The following ADAMTS17 variants were observed in gnomAD, a reference collection of about 807,000 sequenced individuals.
ADAMTS17 encodes A disintegrin and metalloproteinase with thrombospondin motifs 17.
A neutral mutation model predicts 141.5 loss-of-function variants in ADAMTS17; 113 were observed. The observed-to-expected ratio is 0.80, with a 90% CI of 0.69 to 0.93. The LOEUF (loss-of-function observed/expected upper bound fraction) is 0.93. Ranked by LOEUF, ADAMTS17 falls within the 40% of genes least tolerant of loss-of-function variation. ADAMTS17 has a pLI of 0.00. For missense variants in ADAMTS17, 1,659 were observed against 1,517.9 expected (o/e 1.09, Z -1.54); for synonymous variants, 768 against 630.6 (o/e 1.22, Z -3.27).
At chr15:100,294,495 G>C (rs1197389983) in intron 3 of ADAMTS17, among the ~76,000 whole-genome samples, 2 of 152,074 alleles carry the variant, frequency 1.3e-5, no homozygotes, top group African/African-American at 4.8e-5. Context: ...AGAGCTATGT[G>C]AGGCCAAGGT....
intron 7 of ADAMTS17, among the ~76,000 whole-genome samples, chr15:100,215,828 C>T (rs2041953089): frequency 6.6e-6 from 1 of 152,050 alleles, no homozygotes. Context: ...TGGCCAGCGA[C>T]CTCCAAGACA....
chr15:100,184,328 G>C (rs1422230214), intron 8 of ADAMTS17, among the ~76,000 whole-genome samples: 1 of 152,222 alleles, frequency 6.6e-6, no homozygotes, highest in Non-Finnish European at 1.5e-5. Flanking sequence ...CCCAATCGGT[G>C]TATGTGGGGA....
At chr15:100,005,125 C>T (rs565052185) in intron 18 of ADAMTS17, among the ~76,000 whole-genome samples, 1 of 152,210 alleles carries the variant, frequency 6.6e-6, no homozygotes, top group East Asian at 1.9e-4. Flanking sequence ...TCCTGATCCT[C>T]CTGCGACTCT....
chr15:100,131,842 T>A (rs937564233), intron 12 of ADAMTS17, among the ~76,000 whole-genome samples, 165 bp downstream of exon 12: 1 of 152,234 alleles, frequency 6.6e-6, no homozygotes, highest in African/African-American at 2.4e-5. Context: ...GAGATGTCAT[T>A]TGACACACAC....
chr15:100,301,721 C>A (rs560859405), intron 3 of ADAMTS17, among the ~76,000 whole-genome samples: 3 of 152,200 alleles, frequency 2.0e-5, no homozygotes, highest in East Asian at 1.9e-4. Flanking sequence ...TAAGAAACAA[C>A]CTTTACTCTA....
chr15:100,270,156 G>A (rs55866386), intron 4 of ADAMTS17, among the ~76,000 whole-genome samples: 9,474 of 152,068 alleles, frequency 0.062, 348 homozygotes, highest in Middle Eastern at 0.086. Context: ...TGACTCTGGA[G>A]CCATTTCTTC....
intron 8 of ADAMTS17, among the ~76,000 whole-genome samples, chr15:100,164,435 G>T (rs1197489696): frequency 6.6e-6 from 1 of 152,166 alleles, no homozygotes; most frequent in African/African-American, 2.4e-5. Flanking sequence ...AACGCCTTCT[G>T]CATGCCAGAT....
intron 6 of ADAMTS17, among the ~76,000 whole-genome samples, chr15:100,259,374 C>T (rs1004063564): frequency 3.9e-5 from 6 of 152,180 alleles, no homozygotes; most frequent in African/African-American, 1.4e-4. Flanking sequence ...CTACAGAAAG[C>T]CTCACAGTCG....
chr15:100,120,525 G>C (rs1488973449), intron 12 of ADAMTS17, among the ~76,000 whole-genome samples: 1 of 152,164 alleles, frequency 6.6e-6, no homozygotes, highest in Non-Finnish European at 1.5e-5. Flanking sequence ...GGCTTCCAGG[G>C]GATTTCCCTC....
Position 100,262,428 on chromosome 15 carries a change from T to A in ADAMTS17, c.797A>T (p.Asn266Ile). 1 of 1,613,184 alleles carries A rather than the reference T, an allele frequency of 6.2e-7. No individual in the cohort carries two copies. Among genetic ancestry groups the A allele is most frequent in the South Asian group, 1.1e-5 (1 of 90,986 alleles). Residue 266 changes from asparagine (N) to isoleucine (I), a missense_variant, in exon 5 of 22, where the codon AAT (asparagine) becomes ATT (isoleucine). By Grantham distance (149) the Asn-to-Ile change is moderately radical (BLOSUM62 -3). Transcript: ENST00000268070. ...CCCCAGGCTCTGGTGCTGAAACATATTGTATACCTATCAAGACAGAAAAAA... is the reference window on the plus strand; with the variant it reads ...CCCCAGGCTCTGGTGCTGAAACATAATGTATACCTATCAAGACAGAAAAAA... ...FILTVMNMVY[N>I]MFQHQSLGIK...
intron 7 of ADAMTS17, among the ~76,000 whole-genome samples, chr15:100,206,653 G>A (rs1339451737): frequency 1.3e-5 from 2 of 152,214 alleles, no homozygotes; most frequent in Non-Finnish European, 2.9e-5. Flanking sequence ...GTGAGGCTGA[G>A]AAGAAGTGTG....
At chr15:100,152,306 C>T (rs139312284) in intron 10 of ADAMTS17, among the ~76,000 whole-genome samples, 2 of 152,270 alleles carry the variant, frequency 1.3e-5, no homozygotes, top group Non-Finnish European at 2.9e-5. Context: ...AGTAGTAACC[C>T]TGAAGGATTC....
At chr15:100,109,263 G>T in intron 13 of ADAMTS17, 147 bp from the exon 14 acceptor site, 1 of 1,085,960 alleles carries the variant, frequency 9.2e-7, no homozygotes, top group Non-Finnish European at 1.3e-6. Context: ...ACGCGCTCCA[G>T]GAAGCGGAAA....
chr15:100,088,839 T>C (rs1406069102), intron 15 of ADAMTS17, among the ~76,000 whole-genome samples: 1 of 151,134 alleles, frequency 6.6e-6, no homozygotes, highest in Non-Finnish European at 1.5e-5. Flanking sequence ...AAAAATTAAT[T>C]CAAGATGGAT....
At chr15:100,286,163 G>A (rs549066201) in intron 3 of ADAMTS17, among the ~76,000 whole-genome samples, 1 of 152,216 alleles carries the variant, frequency 6.6e-6, no homozygotes, top group East Asian at 1.9e-4. Context: ...CTCACCCACA[G>A]ATCTCTCCCA....
intron 4 of ADAMTS17, among the ~76,000 whole-genome samples, chr15:100,265,804 T>TG (rs1036074969): frequency 6.6e-6 from 1 of 152,186 alleles, no homozygotes; most frequent in South Asian, 2.1e-4. Flanking sequence ...AGTGTCTGAG[T>TG]GGGGTCCCCA....
At chr15:100,097,689 C>T (rs1012330032) in intron 14 of ADAMTS17, among the ~76,000 whole-genome samples, 1 of 152,218 alleles carries the variant, frequency 6.6e-6, no homozygotes, top group African/African-American at 2.4e-5. Context: ...CTGTCCCAGC[C>T]CTAGAGTTTC....
At chr15:100,317,330 GC>G (rs2045596442) in intron 3 of ADAMTS17, among the ~76,000 whole-genome samples, 1 of 152,116 alleles carries the variant, frequency 6.6e-6, no homozygotes, top group Admixed American at 6.5e-5. Flanking sequence ...TGTAAAAGGG[GC>G]CCCATGGGCT....
intron 3 of ADAMTS17, among the ~76,000 whole-genome samples, chr15:100,325,120 G>A (rs553715557): frequency 6.6e-6 from 1 of 152,256 alleles, no homozygotes; most frequent in African/African-American, 2.4e-5. Context: ...CTCCAGAGTG[G>A]CTGGAGGTGG....
Sources: gnomAD v4.1 joint callset for allele counts (sites outside exome capture counted in the v4.1 genomes callset) on GRCh38, gnomAD v4.1.1 for gene constraint, MANE v1.5 for transcripts, NCBI Gene and HGNC (gene_info 2026-07-23, HGNC 2026-07-21) for gene names.